TENM2: variants seen among roughly 807,000 people sequenced by gnomAD.
TENM2 encodes the protein teneurin-2.
A neutral mutation model predicts 245.2 loss-of-function variants in TENM2; 52 were observed. That is an observed-to-expected ratio of 0.21 (90% confidence interval 0.17 to 0.27). TENM2 has a LOEUF of 0.27. Among genes scored for constraint, TENM2 ranks in the 10% least tolerant of loss-of-function variants. The probability of loss-of-function intolerance (pLI) is 1.00; values close to 1 mark genes in which losing one functional copy is unlikely to be tolerated. For synonymous variants in TENM2, 1,363 were observed against 1,438.9 expected (o/e 0.95, Z 1.19); for missense variants, 3,046 against 3,666.8 (o/e 0.83, Z 4.37).
At position 167,656,271 on chromosome 5, in the gene TENM2, A is replaced by G. The variant is rs368629276; in HGVS notation, c.503-219715A>G. On this transcript the variant is annotated intron_variant, in intron 2 of 28. Coordinates refer to ENST00000518659, the Ensembl canonical transcript of TENM2. Reference sequence around the variant, plus strand: ...AATGGTAGAGAAGAACCATAGAAGAACCAGTGGATGCCACTGACTTAGCAT... The same window carrying G: ...AATGGTAGAGAAGAACCATAGAAGAGCCAGTGGATGCCACTGACTTAGCAT... 1.1e-4 allele frequency among the ~76,000 whole-genome samples: 17 copies of G among 152,280 alleles called. No homozygotes were observed. The East Asian group carries it at 1.7e-3, about 16-fold the overall frequency.
At chr5:167,807,745 C>T (rs1406840446) in intron 2 of TENM2, among the ~76,000 whole-genome samples, 1 of 151,868 alleles carries the variant, frequency 6.6e-6, no homozygotes, top group African/African-American at 2.4e-5. Flanking sequence ...AAATTTCCCA[C>T]CAAGAATGAA....
the TENM2 span, among the ~76,000 whole-genome samples, chr5:167,218,431 A>AG: frequency 4.6e-5 from 7 of 152,104 alleles, no homozygotes. Context: ...GTAGGCTCAA[A>AG]AAGTTTTTGT....
intron 4 of TENM2, among the ~76,000 whole-genome samples, chr5:167,986,072 A>T (rs1348274215): frequency 1.3e-5 from 2 of 152,052 alleles, no homozygotes; most frequent in African/African-American, 2.4e-5. Flanking sequence ...GTTTCTTTTT[A>T]AAATCTTTCA....
chr5:167,734,846 G>A (rs748632939), intron 2 of TENM2, among the ~76,000 whole-genome samples: 14 of 152,028 alleles, frequency 9.2e-5, no homozygotes, highest in South Asian at 4.1e-4. Context: ...CAACTGCTTC[G>A]TCTCCCTTCC....
chr5:167,243,058 A>G, the TENM2 span, among the ~76,000 whole-genome samples: 1,763 of 152,088 alleles, frequency 0.012, 35 homozygotes, highest in African/African-American at 0.041. Flanking sequence ...ATAAAAGAGT[A>G]GGAAAAGATG....
At chr5:167,406,725 C>G (rs949941887) in intron 2 of TENM2, among the ~76,000 whole-genome samples, 1 of 152,146 alleles carries the variant, frequency 6.6e-6, no homozygotes, top group Non-Finnish European at 1.5e-5. Context: ...AAAATCTAGA[C>G]ATTCCTGACT....
At chr5:168,044,141 C>T (rs758644133) in intron 5 of TENM2, among the ~76,000 whole-genome samples, 7 of 152,124 alleles carry the variant, frequency 4.6e-5, no homozygotes, top group East Asian at 1.9e-4. Context: ...GATGGTGGGG[C>T]GCGGTGGCTC....
chr5:167,310,178 G>A (rs1373454148), intron 1 of TENM2, among the ~76,000 whole-genome samples: 1 of 152,248 alleles, frequency 6.6e-6, no homozygotes, highest in Non-Finnish European at 1.5e-5. Context: ...GCATAGAGCT[G>A]TTTTATTACA....
At chr5:167,928,034 G>T (rs1777896746) in intron 3 of TENM2, among the ~76,000 whole-genome samples, 1 of 152,112 alleles carries the variant, frequency 6.6e-6, no homozygotes, top group Non-Finnish European at 1.5e-5. Flanking sequence ...CCAGGAGGTG[G>T]GTTGATACAG....
chr5:167,284,698 T>C (rs1771237491), upstream of TENM2: 2 of 653,382 alleles, frequency 3.1e-6, no homozygotes, highest in Non-Finnish European at 5.3e-6. Flanking sequence ...AGTCAGAGCA[T>C]GAATCAGAAC....
chr5:167,829,937 GTCCTTCAGC>G (rs1178161904), intron 2 of TENM2, among the ~76,000 whole-genome samples: 1 of 152,140 alleles, frequency 6.6e-6, no homozygotes, highest in East Asian at 1.9e-4. Flanking sequence ...CATATTGCAG[GTCCTTCAGC>G]TCCTCATGGA....
the TENM2 span, among the ~76,000 whole-genome samples, chr5:167,258,233 A>ATATG: frequency 6.8e-6 from 1 of 147,742 alleles, no homozygotes; most frequent in African/African-American, 2.5e-5. Flanking sequence ...ATATGTGTAT[A>ATATG]TATATATATG....
intron 2 of TENM2, among the ~76,000 whole-genome samples, chr5:167,672,097 G>C (rs886474003): frequency 6.6e-6 from 1 of 151,992 alleles, no homozygotes; most frequent in Non-Finnish European, 1.5e-5. Context: ...AACAAACCAA[G>C]ATGATTTATA....
At chr5:167,132,953 G>A in the TENM2 span, among the ~76,000 whole-genome samples, 1 of 152,176 alleles carries the variant, frequency 6.6e-6, no homozygotes, top group Non-Finnish European at 1.5e-5. Flanking sequence ...CACTGAATGT[G>A]TCATACAAAA....
intron 5 of TENM2, among the ~76,000 whole-genome samples, chr5:168,038,097 T>C (rs553037641): frequency 1.7e-3 from 266 of 152,266 alleles, no homozygotes; most frequent in South Asian, 0.011. Flanking sequence ...ACAGCTCAGG[T>C]TCAAATCCCA....
chr5:168,229,844 C>CAAACTGCAG (rs1297540381), intron 25 of TENM2: 1 of 152,176 alleles, frequency 6.6e-6, no homozygotes, highest in Non-Finnish European at 1.5e-5. Context: ...TGCAAAGTTG[C>CAAACTGCAG]AAACTGCAGT....
the TENM2 span, among the ~76,000 whole-genome samples, chr5:167,105,145 AT>A: frequency 2.0e-5 from 3 of 152,158 alleles, no homozygotes; most frequent in Non-Finnish European, 4.4e-5. Flanking sequence ...AGTAGATGCA[AT>A]TGTGGAGGGT....
chr5:167,498,420 T>A (rs1182182965), intron 2 of TENM2, among the ~76,000 whole-genome samples: 1 of 152,116 alleles, frequency 6.6e-6, no homozygotes, highest in African/African-American at 2.4e-5. Context: ...GGATTTAATA[T>A]TTTCTGACAT....
chr5:167,219,807 A>G, the TENM2 span, among the ~76,000 whole-genome samples: 37,161 of 152,202 alleles, frequency 0.24, 6,020 homozygotes, highest in African/African-American at 0.46. Flanking sequence ...AAGTGGCTGC[A>G]CATCGTTTGA....
Sources: allele counts gnomAD v4.1 joint callset (sites outside exome capture counted in the v4.1 genomes callset), GRCh38; gene constraint gnomAD v4.1.1; transcripts MANE v1.5; gene names NCBI Gene and HGNC (gene_info 2026-07-23, HGNC 2026-07-21).